The following EYA3 variants were observed in gnomAD, a reference collection of about 807,000 sequenced individuals.
The protein encoded by EYA3 is protein phosphatase EYA3.
A neutral mutation model predicts 80.0 loss-of-function variants in EYA3; 39 were observed. The observed-to-expected ratio is 0.49, with a 90% confidence interval of 0.38 to 0.64. The LOEUF (loss-of-function observed/expected upper bound fraction) is 0.64, where lower values mean the gene tolerates loss of function less well. EYA3 is among the 30% of genes least tolerant of loss of function. EYA3 has a pLI of 0.00. For missense variants in EYA3, 523 were observed against 676.1 expected, an observed-to-expected ratio of 0.77 and a Z score of 2.51; for synonymous variants, 206 against 232.8, an observed-to-expected ratio of 0.88 and a Z score of 1.05.
At chr1:28,050,327 G>A (rs1461116933) in intron 2 of EYA3, among the ~76,000 whole-genome samples, 3 of 151,432 alleles carry the variant, frequency 2.0e-5, no homozygotes, top group African/African-American at 7.3e-5. Context: ...CGAGTAGCAG[G>A]GACCACAGGT....
At chr1:27,981,711 G>A (rs1571703108) in intron 16 of EYA3, among the ~76,000 whole-genome samples, 1 of 150,106 alleles carries the variant, frequency 6.7e-6, no homozygotes, top group Admixed American at 6.7e-5. Flanking sequence ...CAGGGAGGTC[G>A]AGGCTGTAGT....
At chr1:28,026,662 G>C (rs1377372736) in intron 7 of EYA3, among the ~76,000 whole-genome samples, 2 of 151,934 alleles carry the variant, frequency 1.3e-5, no homozygotes, top group African/African-American at 2.4e-5. Context: ...AAAAATGAAA[G>C]GGAGTGGTGG....
chr1:27,977,943 G>A lies in EYA3; in HGVS notation c.1641+431C>T, dbSNP rs76225782. On this transcript the variant is annotated intron_variant, in intron 17 of 17. Transcript: ENST00000373871. ...GGTTAACATCAGAACAATCTTTCCAGGGCTCAAAGGCAGGAAAGACTTTCT... is the reference window on the plus strand; with the variant it reads ...GGTTAACATCAGAACAATCTTTCCAAGGCTCAAAGGCAGGAAAGACTTTCT... Among the ~76,000 whole-genome samples, 52 of 152,118 alleles carry A rather than the reference G, an allele frequency of 3.4e-4. No homozygotes were observed. In the East Asian group the frequency reaches 5.2e-3, roughly 15 times the overall value.
chr1:28,013,679 G>T lies in EYA3; in HGVS notation c.586-385C>A, dbSNP rs1445546623. On this transcript the variant is annotated intron_variant, in intron 8 of 17. Transcript: ENST00000373871. The surrounding 1 kb of genome is among the most constrained non-coding windows in gnomAD (Gnocchi z 4.0). ...AAGAGGTTTACAAACTGTTGCACTA[G>T]ATAATAGCACTTCTAAGGACAACAA... Among the ~76,000 whole-genome samples the T allele has an allele frequency of 6.6e-6, 1 of 152,150 alleles. No homozygotes were observed. The highest frequency in any genetic ancestry group is 1.5e-5 in the Non-Finnish European group (1 of 68,028).
chr1:28,079,593 G>A (rs1432942674), intron 1 of EYA3, among the ~76,000 whole-genome samples: 1 of 152,108 alleles, frequency 6.6e-6, no homozygotes, highest in East Asian at 1.9e-4. Flanking sequence ...GCATACAACC[G>A]AGCATTTTCA....
At chr1:28,087,755 C>A (rs1379794817) in intron 1 of EYA3, among the ~76,000 whole-genome samples, 1 of 152,226 alleles carries the variant, frequency 6.6e-6, no homozygotes, top group African/African-American at 2.4e-5. Context: ...TGTCAATTAA[C>A]AAGATCGCGC....
At chr1:28,043,473 G>C (rs1223967776) in intron 3 of EYA3, among the ~76,000 whole-genome samples, 2 of 152,164 alleles carry the variant, frequency 1.3e-5, no homozygotes, top group Non-Finnish European at 2.9e-5. Context: ...CAGGAAGGTA[G>C]GGAGACGTTT....
At chr1:27,996,159 C>T (rs1341494878) in intron 13 of EYA3, among the ~76,000 whole-genome samples, 1 of 152,210 alleles carries the variant, frequency 6.6e-6, no homozygotes, top group Non-Finnish European at 1.5e-5. Flanking sequence ...AGGCGTAAGC[C>T]ACTGCATCTG....
chr1:28,027,200 TG>T (rs1642839344), intron 7 of EYA3, among the ~76,000 whole-genome samples: 1 of 152,212 alleles, frequency 6.6e-6, no homozygotes, highest in Non-Finnish European at 1.5e-5. Flanking sequence ...TTGAGTTTTT[TG>T]TTTTCTTTCC....
intron 1 of EYA3, among the ~76,000 whole-genome samples, chr1:28,087,108 T>C (rs1372754434): frequency 6.6e-6 from 1 of 152,162 alleles, no homozygotes; most frequent in Non-Finnish European, 1.5e-5. Flanking sequence ...CAGAAACTGA[T>C]GACACAAAAA....
chr1:27,993,753 A>T (rs1325902129), intron 13 of EYA3, among the ~76,000 whole-genome samples, 193 bp from the exon 14 acceptor site: 1 of 152,156 alleles, frequency 6.6e-6, no homozygotes, highest in Non-Finnish European at 1.5e-5. Context: ...TATCAAAGAA[A>T]GGACTGAAAT....
In EYA3 at chr1:28,058,033, C is replaced by CA; in HGVS notation, c.-8dup. 1.3e-6 allele frequency: 2 copies of CA among 1,583,598 alleles called. No homozygotes were observed. The highest frequency in any genetic ancestry group is 3.5e-5 in the Admixed American group (2 of 57,928). On this transcript the variant is annotated 5_prime_UTR_variant, in exon 2 of 18. Transcript: ENST00000373871. Reference sequence around the variant, plus strand: ...AATCTTGCTCTTCTTCCATGAGGACCAATATTTCTTTATTATACTTATGTG... The same window carrying CA: ...AATCTTGCTCTTCTTCCATGAGGACCAAATATTTCTTTATTATACTTATGTG...
At chr1:28,069,746 G>A (rs1329725017) in intron 1 of EYA3, among the ~76,000 whole-genome samples, 4 of 152,082 alleles carry the variant, frequency 2.6e-5, no homozygotes, top group Non-Finnish European at 5.9e-5. Context: ...TGGGTCCATA[G>A]CCTAATACCC....
chr1:28,079,917 A>G (rs1645361035), intron 1 of EYA3, among the ~76,000 whole-genome samples: 1 of 151,746 alleles, frequency 6.6e-6, no homozygotes, highest in Admixed American at 6.6e-5. Context: ...GGCATGAGCC[A>G]CCACACCTGG....
intron 17 of EYA3, chr1:27,977,411 T>C: frequency 6.5e-7 from 1 of 1,548,160 alleles, no homozygotes; most frequent in Non-Finnish European, 8.7e-7. Context: ...TAAATTGGGA[T>C]AGGGAGGGAA....
chr1:28,008,016 G>C (rs1641417552), intron 10 of EYA3, among the ~76,000 whole-genome samples: 1 of 152,142 alleles, frequency 6.6e-6, no homozygotes, highest in African/African-American at 2.4e-5. Context: ...TGTGGTACTA[G>C]CATAAGGATA....
intron 16 of EYA3, among the ~76,000 whole-genome samples, chr1:27,986,719 T>C (rs983278750): frequency 6.7e-6 from 1 of 150,162 alleles, no homozygotes; most frequent in Admixed American, 6.6e-5. Flanking sequence ...TATTATTATT[T>C]CGAGATGGAG....
chr1:28,022,799 C>CGA (rs1290899662), intron 7 of EYA3, among the ~76,000 whole-genome samples: 1 of 151,918 alleles, frequency 6.6e-6, no homozygotes, highest in Non-Finnish European at 1.5e-5. Flanking sequence ...ACTGAGGCCT[C>CGA]GACCTCCTAA....
In EYA3 at chr1:27,971,086, AAAC is replaced by A. The variant is rs1214025058; in HGVS notation, c.*3377_*3379del. 6.6e-6 allele frequency: 1 copy of A among 152,266 alleles called. No homozygotes were observed. The highest frequency in any genetic ancestry group is 2.4e-5 in the African/African-American group (1 of 41,462). The allele number at this position is 152,266 out of a possible 1,614,324, so 9.4% of individuals were successfully genotyped here. On this transcript the variant is annotated 3_prime_UTR_variant, in exon 18 of 18. Transcript: ENST00000373871. ...ACAGAAGACAGGAACGCCGCAAATC[AAAC>A]AAAAGCCCAGATGGGCATCTAAATC...
Sources: allele counts gnomAD v4.1 joint callset (sites outside exome capture counted in the v4.1 genomes callset), GRCh38; gene constraint gnomAD v4.1.1; non-coding constraint Gnocchi (gnomAD v3.1); transcripts MANE v1.5; gene names NCBI Gene and HGNC (gene_info 2026-07-23, HGNC 2026-07-21).